The following DLGAP2 variants were observed in gnomAD, a reference collection of about 807,000 sequenced individuals.
DLGAP2 encodes disks large-associated protein 2.
Under a neutral mutation model 100.3 loss-of-function variants are expected in DLGAP2, and 26 were observed. The observed-to-expected ratio is 0.26, with a 90% CI of 0.19 to 0.36. DLGAP2 has a LOEUF of 0.36. DLGAP2 is among the 10% of genes least tolerant of loss of function. DLGAP2 has a pLI of 1.00. For synonymous variants in DLGAP2, 886 were observed against 630.1 expected (o/e 1.41, Z -6.08); for missense variants, 1,858 against 1,453.2 (o/e 1.28, Z -4.53).
intron 2 of DLGAP2, among the ~76,000 whole-genome samples, chr8:1,020,682 G>T (rs1295213299): frequency 1.3e-5 from 2 of 152,176 alleles, no homozygotes; most frequent in African/African-American, 4.8e-5. Context: ...TGAGTAAGGG[G>T]AACCAACACC....
At chr8:1,132,042 G>C (rs1260248514) in intron 2 of DLGAP2, among the ~76,000 whole-genome samples, 1 of 152,126 alleles carries the variant, frequency 6.6e-6, no homozygotes, top group African/African-American at 2.4e-5. Flanking sequence ...AGAATAAGAT[G>C]GTGTGTGTGT....
intron 3 of DLGAP2, among the ~76,000 whole-genome samples, chr8:1,401,163 T>A (rs1269848642): frequency 4.4e-4 from 2 of 4,508 alleles, no homozygotes; most frequent in African/African-American, 2.6e-3. Flanking sequence ...GTGTATTGAG[T>A]GCTTACTGAG....
At chr8:892,735 G>T (rs1047486781) in intron 1 of DLGAP2, among the ~76,000 whole-genome samples, 2 of 152,192 alleles carry the variant, frequency 1.3e-5, no homozygotes, top group African/African-American at 4.8e-5. Flanking sequence ...CGGGGCAGAG[G>T]GATGGGTAGG....
At chr8:855,294 C>T (rs1797256358) in intron 1 of DLGAP2, among the ~76,000 whole-genome samples, 1 of 151,898 alleles carries the variant, frequency 6.6e-6, no homozygotes, top group Non-Finnish European at 1.5e-5. Context: ...AGCATGAATG[C>T]CTCTGTTTTC....
intron 3 of DLGAP2, among the ~76,000 whole-genome samples, chr8:1,271,332 G>A (rs563384774): frequency 6.6e-6 from 1 of 152,238 alleles, no homozygotes; most frequent in East Asian, 1.9e-4. Context: ...ATTTCAATGC[G>A]ATTCTGAAAA....
rs1254012208 is a variant in DLGAP2, at chr8:1,247,282, C to T, written c.74-11569C>T. ...ATCAGTGTGGGAGTGAGATGGTCCA[C>T]ATCGGTGGCTGGGAAGACCATTGAG... is the stretch of plus-strand genomic sequence containing the variant. On this transcript the variant is annotated intron_variant, in intron 2 of 14. Transcript: ENST00000637795. Among the ~76,000 whole-genome samples the T allele has an allele frequency of 6.4e-5, 6 of 93,116 alleles. 1 individual carries two copies. Among genetic ancestry groups the T allele is most frequent in the Admixed American group, 2.3e-4 (2 of 8,824 alleles). The allele number at this position is 93,116 out of a possible 152,430, so 61.1% of individuals were successfully genotyped here.
intron 2 of DLGAP2, among the ~76,000 whole-genome samples, chr8:1,156,503 C>G (rs564561409): frequency 1.3e-5 from 2 of 152,208 alleles, no homozygotes; most frequent in Non-Finnish European, 2.9e-5. Context: ...ACCCGTCACA[C>G]AAGAAGTCAG....
intron 6 of DLGAP2, among the ~76,000 whole-genome samples, chr8:1,582,630 C>T (rs909727954): frequency 1.3e-5 from 2 of 152,144 alleles, no homozygotes; most frequent in Admixed American, 6.5e-5. Context: ...CGCTCCGTCA[C>T]CCAGGCTGGA....
chr8:1,284,315 C>G (rs1004099604), intron 3 of DLGAP2, among the ~76,000 whole-genome samples: 5 of 152,170 alleles, frequency 3.3e-5, no homozygotes, highest in Non-Finnish European at 7.3e-5. Flanking sequence ...TGTCTGGATT[C>G]TGCTGTGCAG....
chr8:1,340,735 C>A (rs1289409406), intron 3 of DLGAP2, among the ~76,000 whole-genome samples: 3 of 152,102 alleles, frequency 2.0e-5, no homozygotes, highest in African/African-American at 7.2e-5. Flanking sequence ...GGGTATAGAC[C>A]CAAAGGAATA....
At chr8:1,065,292 G>C (rs1036389022) in intron 2 of DLGAP2, among the ~76,000 whole-genome samples, 8 of 152,190 alleles carry the variant, frequency 5.3e-5, no homozygotes, top group African/African-American at 1.7e-4. Context: ...ATTATTTCAA[G>C]ATAACAACTG....
chr8:1,093,620 G>A (rs752540553), intron 2 of DLGAP2, among the ~76,000 whole-genome samples: 5 of 139,886 alleles, frequency 3.6e-5, no homozygotes, highest in Middle Eastern at 4.8e-3. Context: ...CCTTCACACC[G>A]ACAGCCAGAC....
intron 2 of DLGAP2, among the ~76,000 whole-genome samples, chr8:1,089,643 C>T (rs1804106071): frequency 2.0e-5 from 3 of 152,202 alleles, no homozygotes; most frequent in Admixed American, 2.0e-4. Context: ...ATGATAGGTT[C>T]ATATTGATTT....
chr8:1,233,678 A>ATAGTTACTGATAGAGAGATAGGCAC (rs1798583760), intron 2 of DLGAP2, among the ~76,000 whole-genome samples: 1 of 152,132 alleles, frequency 6.6e-6, no homozygotes, highest in Admixed American at 6.5e-5. Context: ...CTGATAGATG[A>ATAGTTACTGATAGAGAGATAGGCAC]TCTCAGTGCC....
intron 5 of DLGAP2, among the ~76,000 whole-genome samples, chr8:1,559,549 C>G (rs552840675): frequency 1.3e-5 from 2 of 152,292 alleles, no homozygotes; most frequent in South Asian, 4.1e-4. Context: ...GCGAAATTGG[C>G]TTCTTAAATC....
At chr8:793,652 T>C (rs1182192793) in intron 1 of DLGAP2, among the ~76,000 whole-genome samples, 1 of 152,226 alleles carries the variant, frequency 6.6e-6, no homozygotes, top group Non-Finnish European at 1.5e-5. Flanking sequence ...GACATGTGAA[T>C]TTGTCTAATC....
intron 2 of DLGAP2, among the ~76,000 whole-genome samples, chr8:1,055,567 GT>G (rs2129033862): frequency 6.6e-6 from 1 of 152,284 alleles, no homozygotes; most frequent in Non-Finnish European, 1.5e-5. Context: ...CCCTACTAAT[GT>G]TTTCCATCAA....
chr8:1,223,304 T>C (rs1428875625), intron 2 of DLGAP2, among the ~76,000 whole-genome samples: 2 of 152,202 alleles, frequency 1.3e-5, no homozygotes, highest in African/African-American at 4.8e-5. Flanking sequence ...GTTCACAGTG[T>C]GCAGGTCTAT....
chr8:1,272,980 G>C (rs1799613141), intron 3 of DLGAP2, among the ~76,000 whole-genome samples: 1 of 152,192 alleles, frequency 6.6e-6, no homozygotes, highest in Admixed American at 6.5e-5. Context: ...AATGTTCGGA[G>C]TGTGCTGACA....
Sources: gnomAD v4.1 joint callset for allele counts (sites outside exome capture counted in the v4.1 genomes callset) on GRCh38, gnomAD v4.1.1 for gene constraint, MANE v1.5 for transcripts, NCBI Gene and HGNC (gene_info 2026-07-23, HGNC 2026-07-21) for gene names.